Variants in FRMD4A observed in about 807,000 individuals in gnomAD.
The protein encoded by FRMD4A is FERM domain-containing protein 4A.
Under a neutral mutation model 129.1 loss-of-function variants are expected in FRMD4A, and 29 were observed. The ratio of observed to expected loss-of-function variants is 0.22; its 90% confidence interval spans 0.17 to 0.31. The LOEUF is 0.31. Ranked by LOEUF, FRMD4A falls within the 10% of genes least tolerant of loss-of-function variation. FRMD4A has a pLI of 1.00. For missense variants in FRMD4A, 1,272 were observed against 1,375.8 expected (o/e 0.92, Z 1.19); for synonymous variants, 634 against 571.6 (o/e 1.11, Z -1.56).
At chr10:14,100,859 A>T (rs2131774663) in intron 2 of FRMD4A, among the ~76,000 whole-genome samples, 1 of 152,338 alleles carries the variant, frequency 6.6e-6, no homozygotes, top group South Asian at 2.1e-4. Context: ...TTTAGTGGAA[A>T]AACTCTGAAC....
chr10:13,986,526 T>G (rs2095581974), intron 2 of FRMD4A, among the ~76,000 whole-genome samples: 1 of 138,022 alleles, frequency 7.2e-6, no homozygotes, highest in South Asian at 2.6e-4. Context: ...AGGGATAGCA[T>G]TAGGAGATAT....
chr10:13,787,562 G>C (rs2092898560), intron 5 of FRMD4A, among the ~76,000 whole-genome samples: 1 of 152,138 alleles, frequency 6.6e-6, no homozygotes, highest in South Asian at 2.1e-4. Context: ...CTGGGATCAA[G>C]TGACCTGTCT....
At chr10:14,281,482 A>G (rs1481467200) in intron 2 of FRMD4A, among the ~76,000 whole-genome samples, 3 of 152,260 alleles carry the variant, frequency 2.0e-5, no homozygotes, top group Non-Finnish European at 4.4e-5. Flanking sequence ...TGCAGCCACC[A>G]GGACTGTGAG....
chr10:14,076,267 A>G (rs558793747), intron 2 of FRMD4A, among the ~76,000 whole-genome samples: 4 of 152,298 alleles, frequency 2.6e-5, no homozygotes, highest in African/African-American at 9.6e-5. Context: ...ATGGTGAAAG[A>G]TGAAAATGTG....
Position 14,297,376 on chromosome 10 carries a change from G to C in FRMD4A, c.45+32682C>G, listed in dbSNP as rs561661495. 1.4e-3 allele frequency among the ~76,000 whole-genome samples: 215 copies of C among 152,232 alleles called. 2 individuals carry two copies. The highest frequency in any genetic ancestry group is 5.0e-3 in the African/African-American group (207 of 41,528). On this transcript the variant is annotated intron_variant, in intron 2 of 24. Transcript: ENST00000357447. ...TATCACAGTGTCCAGAAGGATGGGA[G>C]TAAAATCCAAGGAGGCAGGCAGACC...
intron 3 of FRMD4A, among the ~76,000 whole-genome samples, chr10:13,844,768 G>A (rs990751942): frequency 1.3e-5 from 2 of 152,180 alleles, no homozygotes; most frequent in African/African-American, 2.4e-5. Flanking sequence ...CCTGCTAGTC[G>A]CATGCTCTTC....
At chr10:14,032,034 C>T (rs1157054153) in intron 2 of FRMD4A, among the ~76,000 whole-genome samples, 1 of 152,096 alleles carries the variant, frequency 6.6e-6, no homozygotes, top group Admixed American at 6.5e-5. Context: ...CCCTGAACTC[C>T]CAGACTCAAG....
At chr10:13,817,636 G>A (rs903639331) in intron 3 of FRMD4A, among the ~76,000 whole-genome samples, 1 of 152,172 alleles carries the variant, frequency 6.6e-6, no homozygotes, top group Admixed American at 6.5e-5. Context: ...TTTTATAAAC[G>A]GGAGTTCCCC....
At chr10:13,757,079 A>G (rs987111280) in intron 8 of FRMD4A, among the ~76,000 whole-genome samples, 1 of 152,228 alleles carries the variant, frequency 6.6e-6, no homozygotes, top group African/African-American at 2.4e-5. Context: ...ATCATAGATA[A>G]TGTCTGTTAG....
Position 14,038,840 on chromosome 10 carries a change from T to C in FRMD4A, c.46-179928A>G, listed in dbSNP as rs183371177. 7.9e-4 allele frequency among the ~76,000 whole-genome samples: 121 copies of C among 152,320 alleles called. 1 individual carries two copies. Among genetic ancestry groups the C allele is most frequent in the African/African-American group, 2.6e-3 (110 of 41,582 alleles). ...CCCCAGCACCTCACTAAATGTCTGA[T>C]TGGCGCCTCTGTTACTCTCCTGCGA... On this transcript the variant is annotated intron_variant, in intron 2 of 24. Transcript: ENST00000357447.
intron 2 of FRMD4A, among the ~76,000 whole-genome samples, chr10:14,032,071 T>C (rs1000164633): frequency 1.3e-5 from 2 of 152,156 alleles, no homozygotes; most frequent in Admixed American, 1.3e-4. Context: ...GCCTCTTGAG[T>C]AGCTGGGACT....
At chr10:14,316,889 T>A (rs1208343986) in intron 2 of FRMD4A, among the ~76,000 whole-genome samples, 1 of 152,206 alleles carries the variant, frequency 6.6e-6, no homozygotes, top group Non-Finnish European at 1.5e-5. Flanking sequence ...TAAAGCCAGT[T>A]TAAGCAGCTT....
chr10:14,213,750 C>T (rs1336008650), intron 2 of FRMD4A, among the ~76,000 whole-genome samples: 1 of 152,170 alleles, frequency 6.6e-6, no homozygotes, highest in Admixed American at 6.5e-5. Flanking sequence ...ACCCAAATCT[C>T]ATCTTGAATT....
intron 3 of FRMD4A, among the ~76,000 whole-genome samples, chr10:13,847,679 C>T (rs1315698396): frequency 1.3e-5 from 2 of 152,154 alleles, no homozygotes; most frequent in Admixed American, 6.5e-5. Flanking sequence ...GGAAGCCATT[C>T]CAGGCACAGC....
intron 15 of FRMD4A, chr10:13,692,172 A>G (rs2085771640): frequency 9.3e-6 from 1 of 107,654 alleles, no homozygotes; most frequent in Admixed American, 1.4e-4. Flanking sequence ...TTTTTGAGAC[A>G]GAGTCTTGCT....
chr10:14,179,896 T>C (rs1841855133), intron 2 of FRMD4A, among the ~76,000 whole-genome samples: 1 of 152,158 alleles, frequency 6.6e-6, no homozygotes, highest in Non-Finnish European at 1.5e-5. Context: ...TAGCTGGGTA[T>C]GGTGGTGCAC....
At chr10:14,071,098 C>T (rs1029915330) in intron 2 of FRMD4A, among the ~76,000 whole-genome samples, 1 of 152,224 alleles carries the variant, frequency 6.6e-6, no homozygotes, top group Non-Finnish European at 1.5e-5. Context: ...TCCCTGGACA[C>T]GAGTCCTTCT....
chr10:14,134,085 G>C (rs1042069393), intron 2 of FRMD4A, among the ~76,000 whole-genome samples: 13 of 152,198 alleles, frequency 8.5e-5, no homozygotes, highest in African/African-American at 3.1e-4. Context: ...TTTACCTTTT[G>C]ATAATTTCTA....
intron 2 of FRMD4A, among the ~76,000 whole-genome samples, chr10:13,863,994 TTCTC>T (rs377146732): frequency 6.6e-6 from 1 of 151,130 alleles, no homozygotes; most frequent in Non-Finnish European, 1.5e-5. Context: ...CTCTCTTTCT[TTCTC>T]TCTCTCTCTC....
Sources: allele counts gnomAD v4.1 joint callset (sites outside exome capture counted in the v4.1 genomes callset), GRCh38; gene constraint gnomAD v4.1.1; transcripts MANE v1.5; gene names NCBI Gene and HGNC (gene_info 2026-07-23, HGNC 2026-07-21).